Variants in PGBD1 observed in about 807,000 individuals in gnomAD.
The protein encoded by PGBD1 is piggyBac transposable element derived 1.
PGBD1 carries 25 observed loss-of-function variants against 34.7 expected under a neutral mutation model. The observed-to-expected ratio is 0.72, with a 90% confidence interval of 0.52 to 1.00. The LOEUF (loss-of-function observed/expected upper bound fraction) is 1.00, where lower values mean the gene tolerates loss of function less well. Among genes scored for constraint, PGBD1 ranks in the 50% least tolerant of loss-of-function variants. The pLI is 0.00. For missense variants in PGBD1, 830 were observed against 959.4 expected, an observed-to-expected ratio of 0.87 and a Z score of 1.78; for synonymous variants, 292 against 335.7, an observed-to-expected ratio of 0.87 and a Z score of 1.42.
chr6:28,295,913 A>G (rs186205654), intron 4 of PGBD1, among the ~76,000 whole-genome samples: 69 of 152,330 alleles, frequency 4.5e-4, no homozygotes, highest in African/African-American at 1.5e-3. Flanking sequence ...TGATGAGTTA[A>G]AGAGAAAACA....
chr6:28,298,625 T>A (rs1762730563), intron 6 of PGBD1, among the ~76,000 whole-genome samples: 1 of 152,092 alleles, frequency 6.6e-6, no homozygotes, highest in Non-Finnish European at 1.5e-5. Flanking sequence ...CAACCGCCAT[T>A]GGGAGACCTG....
intron 4 of PGBD1, among the ~76,000 whole-genome samples, chr6:28,291,933 TA>T (rs140713549): frequency 0.037 from 5,683 of 152,228 alleles, 264 homozygotes; most frequent in African/African-American, 0.11. Context: ...AAAATTGGTA[TA>T]AAAGGAACAT....
chr6:28,291,427 G>GTAACGAGA (rs1269141594), intron 4 of PGBD1, among the ~76,000 whole-genome samples: 8 of 151,640 alleles, frequency 5.3e-5, no homozygotes, highest in Non-Finnish European at 1.2e-4. Flanking sequence ...CCAATAACAA[G>GTAACGAGA]TAACGAGATA....
Position 28,283,858 on chromosome 6 carries a change from C to A in PGBD1, c.45C>A (p.Gly15=). ...GCCCTGCTCCTGAAAATGAAGATGGCCTTGTGAAAGTGAAGGAGGAAGATC... is the reference window on the plus strand; with the variant it reads ...GCCCTGCTCCTGAAAATGAAGATGGACTTGTGAAAGTGAAGGAGGAAGATC... ...LPGPAPENED[G]LVKVKEEDPT... is the part of the protein sequence containing the mutation. The change falls in exon 2 of 7, where the codon GGC becomes GGA. Residue 15 remains glycine, a synonymous_variant. Coordinates refer to ENST00000682144, the MANE Select transcript of PGBD1 (RefSeq NM_032507.4). 2 of 1,610,490 alleles carry A rather than the reference C, an allele frequency of 1.2e-6. No individual in the cohort carries two copies. Among genetic ancestry groups the A allele is most frequent in the South Asian group, 1.1e-5 (1 of 90,914 alleles).
intron 6 of PGBD1, among the ~76,000 whole-genome samples, chr6:28,299,357 A>G (rs1762751930): frequency 7.9e-6 from 1 of 127,366 alleles, no homozygotes; most frequent in Non-Finnish European, 1.6e-5. Flanking sequence ...CCACTTTCTT[A>G]GCTCACTCTT....
chr6:28,298,116 C>T, intron 6 of PGBD1, 125 bp downstream of exon 6: 1 of 725,112 alleles, frequency 1.4e-6, no homozygotes, highest in Non-Finnish European at 2.4e-6. Context: ...CCACTCACTT[C>T]TGTGATCATA....
In PGBD1 at chr6:28,302,456, G is replaced by A. The variant is rs1469185773; in HGVS notation, c.*172G>A. The A allele has an allele frequency of 4.3e-6, 3 of 690,396 alleles. No individual in the cohort carries two copies. Among genetic ancestry groups the A allele is most frequent in the Non-Finnish European group, 6.7e-6 (3 of 447,728 alleles). The allele number at this position is 690,396 out of a possible 1,614,324, so 42.8% of individuals were successfully genotyped here. A position where few individuals can be genotyped will look rare whatever the true frequency, so the allele number is the denominator to read the frequency against. On this transcript the variant is annotated 3_prime_UTR_variant, in exon 7 of 7. Transcript: ENST00000682144. The stretch of plus-strand genomic sequence containing the variant: ...TTCAAAGACTATTGTAACAAGTAAT[G>A]TTAAAAATTGTCTGTGAGAATGTTG...
chr6:28,285,812 A>C, intron 3 of PGBD1, 105 bp downstream of exon 3: 5 of 1,206,032 alleles, frequency 4.1e-6, no homozygotes, highest in Non-Finnish European at 4.6e-6. Flanking sequence ...GATTACCACA[A>C]GCTAACTTAC....
chr6:28,284,085 A>G lies in PGBD1; in HGVS notation c.272A>G (p.Gln91Arg), dbSNP rs138000084. Reference sequence around the variant, plus strand: ...ATAATGGAACTGCTGGTGCTGGAGCAGTTCCTGACCATCCTGCCCAAGGAG... The same window carrying G: ...ATAATGGAACTGCTGGTGCTGGAGCGGTTCCTGACCATCCTGCCCAAGGAG... The part of the protein sequence containing the change: ...EQIMELLVLE[Q>R]FLTILPKELQ... Residue 91 changes from glutamine to arginine, a missense_variant, in exon 2 of 7, where the codon CAG becomes CGG. Physicochemically the swap from Gln to Arg is conservative, Grantham distance 43. This residue lies in a region of PGBD1 where 457 missense variants were observed against 515.4 expected (regional missense o/e 0.89). Transcript: ENST00000682144. The G allele has an allele frequency of 1.2e-5, 19 of 1,614,220 alleles. No individual in the cohort carries two copies. The African/African-American group carries it at 2.4e-4, about 20-fold the overall frequency.
chr6:28,297,845 T>TTTAAAATA, intron 5 of PGBD1, 50 bp from the exon 6 acceptor site: 1 of 283,634 alleles, frequency 3.5e-6, no homozygotes, highest in Non-Finnish European at 6.6e-6. Context: ...TTTTTTTTTT[T>TTTAAAATA]CAAAATTCAC....
chr6:28,290,724 A>T (rs1055699034), intron 4 of PGBD1, among the ~76,000 whole-genome samples: 11 of 152,232 alleles, frequency 7.2e-5, no homozygotes, highest in African/African-American at 2.2e-4. Flanking sequence ...ACAAATTTTT[A>T]AAAAATATAA....
intron 4 of PGBD1, among the ~76,000 whole-genome samples, chr6:28,291,394 A>C (rs1423826248): frequency 6.6e-6 from 1 of 152,040 alleles, no homozygotes; most frequent in East Asian, 1.9e-4. Context: ...TTGGACCATG[A>C]AAAAATAGAA....
At position 28,300,099 on chromosome 6, in the gene PGBD1, T is replaced by A. The variant is rs1456009325; in HGVS notation, c.870-625T>A. 6.6e-6 allele frequency among the ~76,000 whole-genome samples: 1 copy of A among 152,082 alleles called. No homozygotes were observed. The highest frequency in any genetic ancestry group is 1.5e-5 in the Non-Finnish European group (1 of 68,010). On this transcript the variant is annotated intron_variant, in intron 6 of 6. Transcript: ENST00000682144. The surrounding 1 kb of genome is among the most constrained non-coding windows in gnomAD (Gnocchi z 4.0). ...ATCAGTCCAAGTGCAATGAGTTGAG[T>A]TTCATTTGTTTTTCCCCAGAGTAGT...
chr6:28,288,180 A>G (rs1458567394), intron 4 of PGBD1, among the ~76,000 whole-genome samples: 1 of 152,220 alleles, frequency 6.6e-6, no homozygotes, highest in Non-Finnish European at 1.5e-5. Context: ...TGGGGCCCTT[A>G]ATTGAAGTAA....
intron 4 of PGBD1, among the ~76,000 whole-genome samples, chr6:28,296,161 C>T (rs2113754131): frequency 6.6e-6 from 1 of 152,314 alleles, no homozygotes; most frequent in South Asian, 2.1e-4. Flanking sequence ...CATATCATTA[C>T]TAGCTTTGAA....
intron 3 of PGBD1, 80 bp downstream of exon 3, chr6:28,285,787 T>C: frequency 7.0e-7 from 1 of 1,420,844 alleles, no homozygotes; most frequent in South Asian, 1.4e-5. Flanking sequence ...CTCAAGTTTG[T>C]ATACATTGTG....
chr6:28,300,000 CA>C lies in PGBD1; in HGVS notation c.870-709del, dbSNP rs776417092. ...TGGGTGACAGAGCTAGACTCTGTCT[CA>C]AAAAAAAAAAAAAACAAAACAAAAC... On this transcript the variant is annotated intron_variant, in intron 6 of 6. Coordinates refer to ENST00000682144, the MANE Select transcript of PGBD1 (RefSeq NM_032507.4). Among the ~76,000 whole-genome samples, 216 of 85,056 alleles carry C rather than the reference CA, an allele frequency of 2.5e-3. 1 individual carries two copies. The East Asian group carries it at 0.035, about 14-fold the overall frequency. The allele number at this position is 85,056 out of a possible 152,430, so 55.8% of individuals were successfully genotyped here. A position where few individuals can be genotyped will look rare whatever the true frequency, so the allele number is the denominator to read the frequency against.
In PGBD1 at chr6:28,284,061, T is replaced by C. The variant is rs370944384; in HGVS notation, c.248T>C (p.Ile83Thr). Residue 83 changes from isoleucine (I) to threonine (T), a missense_variant, in exon 2 of 7, where the codon ATA (isoleucine) becomes ACA (threonine). Around this residue, in one of 3 missense-constraint regions of PGBD1, gnomAD observed 457 missense variants for 515.4 expected, o/e 0.89. Coordinates refer to ENST00000682144, the MANE Select transcript of PGBD1 (RefSeq NM_032507.4). ...LRPEMHTKEQ[I>T]MELLVLEQFL... ...CCGGAGATGCACACCAAGGAACAGA[T>C]AATGGAACTGCTGGTGCTGGAGCAG... 1 of 1,613,960 alleles carries C rather than the reference T, an allele frequency of 6.2e-7. No individual in the cohort carries two copies. Among genetic ancestry groups the C allele is most frequent in the Non-Finnish European group, 8.5e-7 (1 of 1,179,994 alleles).
intron 5 of PGBD1, among the ~76,000 whole-genome samples, chr6:28,297,162 C>G (rs948267553): frequency 6.6e-6 from 1 of 152,178 alleles, no homozygotes; most frequent in African/African-American, 2.4e-5. Context: ...TTGTGGTTAT[C>G]TTCTCTGATC....
Sources: allele counts gnomAD v4.1 joint callset (sites outside exome capture counted in the v4.1 genomes callset), GRCh38; gene constraint gnomAD v4.1.1; regional missense constraint gnomAD v4.1.1; non-coding constraint Gnocchi (gnomAD v3.1); transcripts MANE v1.5; gene names NCBI Gene and HGNC (gene_info 2026-07-23, HGNC 2026-07-21).